Variants in FGGY observed in about 807,000 individuals in gnomAD.
The protein encoded by FGGY is FGGY carbohydrate kinase domain containing.
A neutral mutation model predicts 71.3 loss-of-function variants in FGGY; 72 were observed. That is an observed-to-expected ratio of 1.01 (90% confidence interval 0.84 to 1.23). The LOEUF (loss-of-function observed/expected upper bound fraction) is 1.23, where lower values mean the gene tolerates loss of function less well. Among genes scored for constraint, FGGY ranks in the 50% most tolerant of loss-of-function variants. The pLI is 0.00. For missense variants in FGGY, 668 were observed against 682.3 expected, an observed-to-expected ratio of 0.98 and a Z score of 0.23; for synonymous variants, 251 against 250.3, an observed-to-expected ratio of 1.00 and a Z score of -0.02.
chr1:59,462,167 A>G (rs1418595420), intron 6 of FGGY, among the ~76,000 whole-genome samples: 2 of 152,152 alleles, frequency 1.3e-5, no homozygotes. Context: ...ATCTACAACT[A>G]TCTGATCTTT....
At chr1:59,483,140 C>T (rs1259748381) in intron 6 of FGGY, among the ~76,000 whole-genome samples, 2 of 152,126 alleles carry the variant, frequency 1.3e-5, no homozygotes, top group African/African-American at 2.4e-5. Flanking sequence ...GGTCAGCAAC[C>T]TGCCATACTT....
At chr1:59,301,646 T>C (rs1030711978) in intron 1 of FGGY, among the ~76,000 whole-genome samples, 6 of 152,108 alleles carry the variant, frequency 3.9e-5, no homozygotes, top group Non-Finnish European at 8.8e-5. Flanking sequence ...CTGAGAATTT[T>C]TTTAAAGGAA....
intron 8 of FGGY, among the ~76,000 whole-genome samples, chr1:59,560,615 T>G (rs2095773041): frequency 6.6e-6 from 1 of 152,174 alleles, no homozygotes; most frequent in Non-Finnish European, 1.5e-5. Flanking sequence ...TCATTAACTA[T>G]TCACTCATAA....
chr1:59,603,620 G>C (rs1043998091), intron 8 of FGGY, among the ~76,000 whole-genome samples: 8 of 152,230 alleles, frequency 5.3e-5, no homozygotes, highest in Non-Finnish European at 8.8e-5. Flanking sequence ...CCTTACGTAA[G>C]ATCGCCTAGC....
intron 1 of FGGY, among the ~76,000 whole-genome samples, chr1:59,317,787 G>C (rs940442485): frequency 1.3e-5 from 2 of 152,218 alleles, no homozygotes; most frequent in Non-Finnish European, 2.9e-5. Flanking sequence ...ATGCAAGTAG[G>C]ATCTATTTCA....
At chr1:59,299,921 G>T (rs2042504480) in intron 1 of FGGY, among the ~76,000 whole-genome samples, 1 of 152,216 alleles carries the variant, frequency 6.6e-6, no homozygotes, top group Admixed American at 6.5e-5. Context: ...GTGAGTCTGG[G>T]TGGAGCAGGT....
chr1:59,332,250 A>G (rs1360878031), intron 2 of FGGY, among the ~76,000 whole-genome samples: 1 of 152,222 alleles, frequency 6.6e-6, no homozygotes, highest in Non-Finnish European at 1.5e-5. Flanking sequence ...TTACCAAATG[A>G]GGTTGCAGAA....
intron 8 of FGGY, among the ~76,000 whole-genome samples, chr1:59,599,943 G>A (rs1204856459): frequency 6.6e-6 from 1 of 152,126 alleles, no homozygotes; most frequent in Non-Finnish European, 1.5e-5. Context: ...AGCTACATCA[G>A]ACAGTCCCAT....
At chr1:59,546,589 G>A (rs1027014755) in intron 7 of FGGY, among the ~76,000 whole-genome samples, 1 of 151,750 alleles carries the variant, frequency 6.6e-6, no homozygotes, top group Non-Finnish European at 1.5e-5. Context: ...CAGTGCAATG[G>A]CGCGATCTCG....
rs1403102444 is a variant in FGGY, at chr1:59,632,856, A to G, written c.1074-5372A>G. 2.6e-5 allele frequency among the ~76,000 whole-genome samples: 4 copies of G among 152,252 alleles called. No individual in the cohort carries two copies. The East Asian group carries it at 7.7e-4, about 29-fold the overall frequency. ...TGAGTCTATCACTGAATATTTACTT[A>G]GCCTTCCCTGAGCTAGGACAGTCAG... On this transcript the variant is annotated intron_variant, in intron 10 of 15. Coordinates refer to ENST00000303721, the MANE Select transcript of FGGY (RefSeq NM_018291.5).
At chr1:59,538,390 T>G (rs1263471634) in intron 7 of FGGY, among the ~76,000 whole-genome samples, 1 of 151,978 alleles carries the variant, frequency 6.6e-6, no homozygotes, top group Non-Finnish European at 1.5e-5. Context: ...TTTTACACTG[T>G]TGGTGGGACT....
At chr1:59,397,852 A>G (rs555486190) in intron 5 of FGGY, among the ~76,000 whole-genome samples, 12 of 152,336 alleles carry the variant, frequency 7.9e-5, no homozygotes, top group African/African-American at 2.9e-4. Context: ...CTCAGACTTC[A>G]AAGGGAGCTC....
chr1:59,648,668 G>A (rs2097124714), intron 11 of FGGY, among the ~76,000 whole-genome samples: 1 of 150,472 alleles, frequency 6.6e-6, no homozygotes, highest in Non-Finnish European at 1.5e-5. Context: ...CAGATGAGTA[G>A]GTTGCGAAAA....
At chr1:59,633,045 C>A (rs1348480666) in intron 10 of FGGY, among the ~76,000 whole-genome samples, 2 of 146,320 alleles carry the variant, frequency 1.4e-5, no homozygotes, top group African/African-American at 5.1e-5. Flanking sequence ...GAGTCTCGCA[C>A]TTTCACCCAG....
intron 14 of FGGY, among the ~76,000 whole-genome samples, chr1:59,746,008 AGGT>A (rs749602297): frequency 9.9e-5 from 15 of 152,190 alleles, no homozygotes; most frequent in Non-Finnish European, 2.2e-4. Context: ...AAGGTCCCGG[AGGT>A]GGAAACATTT....
intron 5 of FGGY, among the ~76,000 whole-genome samples, chr1:59,381,877 G>A (rs147590906): frequency 6.1e-4 from 93 of 152,264 alleles, no homozygotes; most frequent in Middle Eastern, 3.4e-3. Context: ...ATAGAGACTT[G>A]TATAAAATAC....
intron 11 of FGGY, 144 bp downstream of exon 11, chr1:59,638,519 C>A: frequency 1.1e-6 from 1 of 918,768 alleles, no homozygotes; most frequent in Non-Finnish European, 1.6e-6. Context: ...ATTGCTGTTG[C>A]TGCTCCCTGG....
chr1:59,360,127 G>GTTGTTATTATTATTATTA (rs60160244), intron 4 of FGGY, among the ~76,000 whole-genome samples: 21 of 145,668 alleles, frequency 1.4e-4, no homozygotes, highest in South Asian at 6.4e-4. Flanking sequence ...TTCTATCATT[G>GTTGTTATTATTATTATTA]TTATTATTAT....
At chr1:59,321,356 C>T (rs1229854696) in intron 1 of FGGY, among the ~76,000 whole-genome samples, 180 bp from the exon 2 acceptor site, 2 of 152,198 alleles carry the variant, frequency 1.3e-5, no homozygotes, top group South Asian at 2.1e-4. Flanking sequence ...GTTCACCCAC[C>T]ATGTAGCTCA....
Sources: allele counts gnomAD v4.1 joint callset (sites outside exome capture counted in the v4.1 genomes callset), GRCh38; gene constraint gnomAD v4.1.1; transcripts MANE v1.5; gene names NCBI Gene and HGNC (gene_info 2026-07-23, HGNC 2026-07-21).